Variants in PCLO observed in about 807,000 individuals in gnomAD.
PCLO encodes the protein protein piccolo.
In PCLO, 82 loss-of-function variants were observed where a neutral mutation model predicts 427.5. The ratio of observed to expected loss-of-function variants is 0.19; its 90% CI spans 0.16 to 0.23. The LOEUF (loss-of-function observed/expected upper bound fraction) is 0.23, where lower values mean the gene tolerates loss of function less well. Ranked by LOEUF, PCLO falls within the 10% of genes least tolerant of loss-of-function variation. The pLI, the probability that PCLO is intolerant of heterozygous loss-of-function variation, is 1.00. For synonymous variants in PCLO, 2,357 were observed against 2,155.4 expected, an observed-to-expected ratio of 1.09 and a Z score of -2.59; for missense variants, 6,239 against 6,115.9, an observed-to-expected ratio of 1.02 and a Z score of -0.67.
At chr7:83,041,746 A>G (rs1788979962) in intron 3 of PCLO, among the ~76,000 whole-genome samples, 1 of 152,230 alleles carries the variant, frequency 6.6e-6, no homozygotes, top group South Asian at 2.1e-4. Context: ...GAATGTTATG[A>G]CAAGATCAAA....
At chr7:83,133,921 G>A (rs764033379) in intron 3 of PCLO, among the ~76,000 whole-genome samples, 32 of 151,842 alleles carry the variant, frequency 2.1e-4, no homozygotes, top group South Asian at 6.2e-4. Context: ...GAGTTTACAC[G>A]TGAAAATAGT....
rs754380640 is a variant in PCLO, at chr7:83,135,458, G to A, written c.2092C>T (p.Pro698Ser). ...AAPKQDLSKAPEPKKPPPLVK... is the reference protein window; with the variant it reads ...AAPKQDLSKASEPKKPPPLVK... ...AGTGGTGGTGGCTTTTTAGGCTCAG[G>A]TGCCTTGGAGAGATCCTGTTTTGGT... Residue 698 changes from proline (P) to serine (S), a missense_variant, in exon 3 of 25, where the codon CCT becomes TCT. This residue lies in a region of PCLO where 4,677 missense variants were observed against 4,468.4 expected (regional missense o/e 1.05). Coordinates refer to ENST00000333891, the MANE Select transcript of PCLO (RefSeq NM_033026.6). 1.2e-6 allele frequency: 2 copies of A among 1,613,760 alleles called. No homozygotes were observed. The highest frequency in any genetic ancestry group is 1.7e-6 in the Non-Finnish European group (2 of 1,179,868).
At chr7:82,830,382 ATT>A (rs1435757323) in intron 16 of PCLO, among the ~76,000 whole-genome samples, 5 of 152,000 alleles carry the variant, frequency 3.3e-5, no homozygotes, top group Non-Finnish European at 7.4e-5. Flanking sequence ...TGGTGATAGA[ATT>A]AGTGTCTACA....
chr7:83,138,206 A>G (rs1021826851), intron 2 of PCLO, among the ~76,000 whole-genome samples: 3 of 152,240 alleles, frequency 2.0e-5, no homozygotes, highest in African/African-American at 7.2e-5. Context: ...CACATTAACT[A>G]GTTTAAATTA....
chr7:82,867,853 T>C (rs1793134997), intron 10 of PCLO, among the ~76,000 whole-genome samples: 1 of 152,180 alleles, frequency 6.6e-6, no homozygotes, highest in Non-Finnish European at 1.5e-5. Flanking sequence ...AAGAGAAATA[T>C]GTTTCTTTGT....
At position 83,028,941 on chromosome 7, in the gene PCLO, T is replaced by G. The variant is rs539948813; in HGVS notation, c.3301-62454A>C. ...TGAAACTGGATCCCTTCCTTACACC[T>G]TATACAAAAATCAATTCAAGATGGA... On this transcript the variant is annotated intron_variant, in intron 3 of 24. Transcript: ENST00000333891. Among the ~76,000 whole-genome samples the G allele has an allele frequency of 2.2e-3, 340 of 152,042 alleles. 3 individuals are homozygous for G. The highest frequency in any genetic ancestry group is 8.0e-3 in the African/African-American group (330 of 41,472).
At chr7:82,965,670 A>G in intron 4 of PCLO, 101 bp downstream of exon 4, 2 of 699,618 alleles carry the variant, frequency 2.9e-6, no homozygotes, top group South Asian at 4.1e-5. Context: ...TTGTTTGAGG[A>G]ACTTCACTTA....
chr7:83,089,775 A>T (rs892263547), intron 3 of PCLO, among the ~76,000 whole-genome samples: 4 of 152,076 alleles, frequency 2.6e-5, no homozygotes, highest in African/African-American at 2.4e-5. Flanking sequence ...GAGGCAAAAC[A>T]TGGGGTTCCA....
intron 2 of PCLO, among the ~76,000 whole-genome samples, chr7:83,152,023 G>A (rs1016775359): frequency 3.3e-5 from 5 of 151,112 alleles, no homozygotes; most frequent in Non-Finnish European, 7.4e-5. Flanking sequence ...GGAATGCAGT[G>A]GCGTGATCTT....
chr7:83,096,849 A>ATATATATAAAAATATATTATATAATATAT (rs1790563114), intron 3 of PCLO, among the ~76,000 whole-genome samples: 1 of 51,824 alleles, frequency 1.9e-5, no homozygotes, highest in African/African-American at 1.0e-4. Flanking sequence ...TATAATATAA[A>ATATATATAAAAATATATTATATAATATAT]TATATATAAA....
chr7:82,793,600 T>C (rs1791153558), intron 22 of PCLO, among the ~76,000 whole-genome samples: 1 of 152,200 alleles, frequency 6.6e-6, no homozygotes, highest in Admixed American at 6.5e-5. Context: ...ACTAGAAATG[T>C]CTGTACCCCA....
chr7:83,029,772 T>C (rs1221662053), intron 3 of PCLO, among the ~76,000 whole-genome samples: 2 of 131,366 alleles, frequency 1.5e-5, no homozygotes, highest in Non-Finnish European at 3.2e-5. Context: ...CATGGAATAC[T>C]ATGCAGCCAT....
intron 22 of PCLO, among the ~76,000 whole-genome samples, chr7:82,773,985 G>T (rs553966582): frequency 6.6e-6 from 1 of 152,222 alleles, no homozygotes; most frequent in African/African-American, 2.4e-5. Flanking sequence ...GCTCTTACCC[G>T]GGATCCCCTC....
intron 3 of PCLO, among the ~76,000 whole-genome samples, chr7:83,107,577 A>T (rs1790889299): frequency 6.6e-6 from 1 of 151,866 alleles, no homozygotes; most frequent in Admixed American, 6.6e-5. Flanking sequence ...AGTTGAGTTT[A>T]TTAAAAAACT....
At chr7:83,161,373 CAGA>C (rs1294751446) in intron 1 of PCLO, among the ~76,000 whole-genome samples, 1 of 152,130 alleles carries the variant, frequency 6.6e-6, no homozygotes, top group Admixed American at 6.6e-5. Flanking sequence ...GAACCACGGA[CAGA>C]AAACTGTTCT....
intron 9 of PCLO, among the ~76,000 whole-genome samples, chr7:82,887,429 C>G (rs1007851171): frequency 1.3e-5 from 2 of 152,126 alleles, no homozygotes; most frequent in Non-Finnish European, 2.9e-5. Context: ...GCTTATGTTT[C>G]ACATTAATAT....
rs1562875161 is a variant in PCLO, at chr7:82,949,637, TATC to T, written c.10948_10950del (p.Asp3650del). The T allele has an allele frequency of 3.7e-6, 6 of 1,613,884 alleles. No homozygotes were observed. Among genetic ancestry groups the T allele is most frequent in the Non-Finnish European group, 5.1e-6 (6 of 1,179,856 alleles). The stretch of plus-strand genomic sequence containing the variant: ...GGATGCAGTACTTTCTGTGGACTTA[TATC>T]ATCAGGGAGGGGTTTTTCATAAGGT... On this transcript the variant is annotated inframe_deletion, in exon 6 of 25. Transcript: ENST00000333891.
chr7:83,038,053 T>TTTTA, intron 3 of PCLO, among the ~76,000 whole-genome samples: 1 of 44,770 alleles, frequency 2.2e-5, no homozygotes, highest in African/African-American at 1.1e-4. Flanking sequence ...ATATATATCT[T>TTTTA]TATATATATA....
At chr7:82,805,635 C>A (rs533750145) in intron 21 of PCLO, 53 bp downstream of exon 21, 5 of 1,545,136 alleles carry the variant, frequency 3.2e-6, no homozygotes, top group Non-Finnish European at 4.4e-6. Context: ...GTTGAGAATG[C>A]CTTACTCATG....
Sources: allele counts gnomAD v4.1 joint callset (sites outside exome capture counted in the v4.1 genomes callset), GRCh38; gene constraint gnomAD v4.1.1; regional missense constraint gnomAD v4.1.1; transcripts MANE v1.5; gene names NCBI Gene and HGNC (gene_info 2026-07-23, HGNC 2026-07-21).